The following FAM135B variants were observed in gnomAD, a reference collection of about 807,000 sequenced individuals.
The protein encoded by FAM135B is protein FAM135B.
A neutral mutation model predicts 127.7 loss-of-function variants in FAM135B; 43 were observed. The ratio of observed to expected loss-of-function variants is 0.34; its 90% CI spans 0.26 to 0.43. The LOEUF is 0.43. Among genes scored for constraint, FAM135B ranks in the 20% least tolerant of loss-of-function variants. The pLI, the probability that FAM135B is intolerant of heterozygous loss-of-function variation, is 1.00. For synonymous variants in FAM135B, 670 were observed against 665.1 expected (o/e 1.01, Z -0.11); for missense variants, 1,558 against 1,725.6 (o/e 0.90, Z 1.72).
intron 2 of FAM135B, among the ~76,000 whole-genome samples, chr8:138,355,036 G>A (rs1391241527): frequency 6.6e-6 from 1 of 152,064 alleles, no homozygotes; most frequent in Non-Finnish European, 1.5e-5. Flanking sequence ...GCAGGCCCCG[G>A]TGTGTGATGT....
At chr8:138,369,515 C>T (rs147007646) in intron 1 of FAM135B, among the ~76,000 whole-genome samples, 1 of 152,258 alleles carries the variant, frequency 6.6e-6, no homozygotes, top group East Asian at 1.9e-4. Context: ...AGGCTGCATA[C>T]CAAATTAAAA....
At chr8:138,367,830 C>CT in intron 2 of FAM135B, 77 bp downstream of exon 2, 1 of 1,124,232 alleles carries the variant, frequency 8.9e-7, no homozygotes, top group South Asian at 1.3e-5. Context: ...ACTTCCCCAC[C>CT]TCCACCTTCT....
intron 2 of FAM135B, among the ~76,000 whole-genome samples, chr8:138,314,383 C>T (rs1369266600): frequency 1.3e-5 from 2 of 151,938 alleles, no homozygotes; most frequent in African/African-American, 4.8e-5. Flanking sequence ...AATTGACTAT[C>T]TGACAAAGGA....
At chr8:138,186,156 T>C (rs1815551101) in intron 9 of FAM135B, among the ~76,000 whole-genome samples, 2 of 152,110 alleles carry the variant, frequency 1.3e-5, no homozygotes, top group South Asian at 2.1e-4. Context: ...TCCTCCTTGC[T>C]CCTGCAGCCC....
At chr8:138,294,915 G>A (rs1282757836) in intron 3 of FAM135B, among the ~76,000 whole-genome samples, 1 of 151,950 alleles carries the variant, frequency 6.6e-6, no homozygotes. Flanking sequence ...AAATTCCTTT[G>A]GCCCTGAAAC....
intron 4 of FAM135B, among the ~76,000 whole-genome samples, chr8:138,265,223 C>A (rs745929061): frequency 2.6e-5 from 4 of 152,168 alleles, no homozygotes; most frequent in African/African-American, 7.2e-5. Context: ...GTCATCTCCA[C>A]AGAGATCATT....
intron 7 of FAM135B, among the ~76,000 whole-genome samples, chr8:138,202,535 A>G (rs1817224081): frequency 6.6e-6 from 1 of 152,154 alleles, no homozygotes; most frequent in East Asian, 1.9e-4. Flanking sequence ...TCCAGGCATG[A>G]GCCATGCCCA....
intron 7 of FAM135B, among the ~76,000 whole-genome samples, chr8:138,233,313 C>T (rs1389311133): frequency 6.6e-6 from 1 of 152,154 alleles, no homozygotes; most frequent in Non-Finnish European, 1.5e-5. Flanking sequence ...TTATGCCACT[C>T]ATACCTCAAT....
intron 4 of FAM135B, among the ~76,000 whole-genome samples, chr8:138,262,996 G>A (rs537187997): frequency 8.6e-5 from 13 of 150,662 alleles, no homozygotes; most frequent in South Asian, 2.1e-4. Flanking sequence ...GAAGAGTCAA[G>A]CAGAGACAGC....
At chr8:138,380,559 G>A (rs1831787179) in intron 1 of FAM135B, among the ~76,000 whole-genome samples, 1 of 152,034 alleles carries the variant, frequency 6.6e-6, no homozygotes, top group African/African-American at 2.4e-5. Context: ...CCACCACCTT[G>A]TCCACCCGCT....
At chr8:138,285,686 C>T (rs183959808) in intron 3 of FAM135B, among the ~76,000 whole-genome samples, 1 of 152,336 alleles carries the variant, frequency 6.6e-6, no homozygotes, top group East Asian at 1.9e-4. Context: ...AGTACACTTA[C>T]TTCAAGGGAG....
At chr8:138,460,726 A>T (rs907571122) in intron 1 of FAM135B, among the ~76,000 whole-genome samples, 1 of 152,166 alleles carries the variant, frequency 6.6e-6, no homozygotes, top group Admixed American at 6.5e-5. Flanking sequence ...TTTCTATAAA[A>T]AAAGAACAGA....
chr8:138,156,352 T>C (rs1034697846), intron 12 of FAM135B, among the ~76,000 whole-genome samples: 3 of 152,130 alleles, frequency 2.0e-5, no homozygotes, highest in African/African-American at 7.2e-5. Context: ...AGGAAAGATC[T>C]AAAATAATCA....
chr8:138,402,742 C>G (rs1208498683), intron 1 of FAM135B, among the ~76,000 whole-genome samples: 1 of 152,116 alleles, frequency 6.6e-6, no homozygotes, highest in Non-Finnish European at 1.5e-5. Flanking sequence ...GGTTATCATC[C>G]CAGTGCAAAA....
intron 3 of FAM135B, among the ~76,000 whole-genome samples, chr8:138,281,722 T>A (rs1303591757): frequency 6.6e-6 from 1 of 152,162 alleles, no homozygotes; most frequent in African/African-American, 2.4e-5. Context: ...CCCACTCCAA[T>A]GTCACTTTCT....
intron 1 of FAM135B, among the ~76,000 whole-genome samples, chr8:138,421,462 T>C (rs945143344): frequency 4.6e-5 from 7 of 152,170 alleles, no homozygotes; most frequent in Non-Finnish European, 8.8e-5. Context: ...CAAAAGTCAA[T>C]GTACAAAATC....
chr8:138,404,681 G>A (rs1166029619), intron 1 of FAM135B, among the ~76,000 whole-genome samples: 1 of 152,126 alleles, frequency 6.6e-6, no homozygotes, highest in Admixed American at 6.6e-5. Context: ...CAGGAGTACA[G>A]TTCATCTCAA....
At chr8:138,302,751 A>G (rs116342710) in intron 3 of FAM135B, among the ~76,000 whole-genome samples, 2,085 of 152,284 alleles carry the variant, frequency 0.014, 35 homozygotes, top group African/African-American at 0.044. Flanking sequence ...ATTGCCACAC[A>G]ATCTCTCTGT....
At chr8:138,320,555 G>A (rs993303903) in intron 2 of FAM135B, among the ~76,000 whole-genome samples, 8 of 152,282 alleles carry the variant, frequency 5.3e-5, no homozygotes, top group Admixed American at 6.5e-5. Context: ...AAAGCACCTT[G>A]AGAACAAGAA....
Sources: gnomAD v4.1 joint callset for allele counts (sites outside exome capture counted in the v4.1 genomes callset) on GRCh38, gnomAD v4.1.1 for gene constraint, MANE v1.5 for transcripts, NCBI Gene and HGNC (gene_info 2026-07-23, HGNC 2026-07-21) for gene names.